MAST4: variants seen among roughly 807,000 people sequenced by gnomAD.
The protein encoded by MAST4 is microtubule-associated serine/threonine-protein kinase 4.
A neutral mutation model predicts 162.7 loss-of-function variants in MAST4; 89 were observed. The ratio of observed to expected loss-of-function variants is 0.55; its 90% CI spans 0.46 to 0.65. The LOEUF (loss-of-function observed/expected upper bound fraction) is 0.65, where lower values mean the gene tolerates loss of function less well. MAST4 is among the 30% of genes least tolerant of loss of function. The pLI is 0.00. For missense variants in MAST4, 3,153 were observed against 3,374.0 expected (o/e 0.93, Z 1.62); for synonymous variants, 1,479 against 1,361.1 (o/e 1.09, Z -1.91).
chr5:66,841,666 C>G (rs2149788723), intron 3 of MAST4, among the ~76,000 whole-genome samples: 1 of 152,192 alleles, frequency 6.6e-6, no homozygotes, highest in East Asian at 1.9e-4. Flanking sequence ...CGAATTTAAT[C>G]CTAATTACCT....
intron 3 of MAST4, among the ~76,000 whole-genome samples, chr5:66,851,813 A>G (rs901086877): frequency 3.3e-5 from 5 of 152,140 alleles, no homozygotes; most frequent in Non-Finnish European, 5.9e-5. Context: ...ATTTTTGTCT[A>G]TACCCTTCTT....
At chr5:66,977,173 T>A (rs1354505689) in intron 4 of MAST4, among the ~76,000 whole-genome samples, 1 of 152,182 alleles carries the variant, frequency 6.6e-6, no homozygotes, top group Non-Finnish European at 1.5e-5. Context: ...CGATCTCGGC[T>A]CACCGTAACT....
intron 4 of MAST4, among the ~76,000 whole-genome samples, chr5:66,922,848 G>C (rs1764631261): frequency 6.6e-6 from 1 of 152,170 alleles, no homozygotes; most frequent in Non-Finnish European, 1.5e-5. Context: ...GATATTCACA[G>C]AAAGGAGAGC....
At chr5:66,937,234 C>T (rs1052341650) in intron 4 of MAST4, among the ~76,000 whole-genome samples, 1 of 152,142 alleles carries the variant, frequency 6.6e-6, no homozygotes, top group African/African-American at 2.4e-5. Flanking sequence ...CACATGGCCC[C>T]TTCTAAACTT....
rs147169968 is a variant in MAST4, at chr5:67,052,585, G to C, written c.675-1819G>C. Among the ~76,000 whole-genome samples, 183 of 151,926 alleles carry C rather than the reference G, an allele frequency of 1.2e-3. 2 individuals are homozygous for C. Among genetic ancestry groups the C allele is most frequent in the African/African-American group, 4.3e-3 (177 of 41,460 alleles). On this transcript the variant is annotated intron_variant, in intron 4 of 28. Transcript: ENST00000403625. ...TCTTAAATAACATTTTCTAAATTTA[G>C]TTTTAAGTATATCAGCATATTTCAC...
chr5:66,859,946 G>A (rs1759977230), intron 3 of MAST4, among the ~76,000 whole-genome samples: 1 of 152,202 alleles, frequency 6.6e-6, no homozygotes, highest in African/African-American at 2.4e-5. Flanking sequence ...TAGTTACTTG[G>A]AAGTCCCCAA....
chr5:66,712,805 TCTA>T (rs1368138498), intron 1 of MAST4, among the ~76,000 whole-genome samples: 2 of 152,210 alleles, frequency 1.3e-5, no homozygotes, highest in Non-Finnish European at 2.9e-5. Flanking sequence ...CAAAGACCTA[TCTA>T]TAGAGAAATA....
chr5:67,149,595 GA>G lies in MAST4; in HGVS notation c.3295+7del. 1.2e-6 allele frequency: 2 copies of G among 1,612,956 alleles called. No individual in the cohort carries two copies. Among genetic ancestry groups the G allele is most frequent in the Non-Finnish European group, 1.7e-6 (2 of 1,179,420 alleles). Reference sequence around the variant, plus strand: ...TTCCCTCATGATCCCAGGAGGTAGAGAGATACTACTTGCATGAAATTGTGTG... The same window carrying G: ...TTCCCTCATGATCCCAGGAGGTAGAGGATACTACTTGCATGAAATTGTGTG... On this transcript the variant is annotated splice_region_variant and intron_variant, in intron 24 of 28. Coordinates refer to ENST00000403625, the MANE Select transcript of MAST4 (RefSeq NM_001164664.2).
chr5:66,986,336 G>A lies in MAST4; in HGVS notation c.675-68068G>A, dbSNP rs918453180. On this transcript the variant is annotated intron_variant, in intron 4 of 28. Transcript: ENST00000403625. Reference sequence around the variant, plus strand: ...AAGCGGGACTTGACTTTTATAGAAAGTATGGATCCATATGTTGTTACACAG... The same window carrying A: ...AAGCGGGACTTGACTTTTATAGAAAATATGGATCCATATGTTGTTACACAG... 4 of 697,160 alleles carry A rather than the reference G, an allele frequency of 5.7e-6. No homozygotes were observed. In the African/African-American group the frequency reaches 7.4e-5, roughly 13 times the overall value. 43.2% of individuals were successfully genotyped at this position (697,160 alleles called of 1,614,324 possible). A position where few individuals can be genotyped will look rare whatever the true frequency, so the allele number is the denominator to read the frequency against.
intron 1 of MAST4, among the ~76,000 whole-genome samples, chr5:66,695,844 A>G (rs1749363672): frequency 1.3e-5 from 2 of 152,194 alleles, no homozygotes; most frequent in South Asian, 4.1e-4. Flanking sequence ...CAGCAATCCC[A>G]TTATTGGTTA....
intron 4 of MAST4, among the ~76,000 whole-genome samples, chr5:66,933,527 G>T (rs1434974708): frequency 1.3e-5 from 2 of 152,094 alleles, no homozygotes; most frequent in Non-Finnish European, 2.9e-5. Context: ...GGAATCAGTG[G>T]ATAGCTTTCT....
intron 6 of MAST4, chr5:67,094,064 C>G: frequency 1.4e-6 from 1 of 693,174 alleles, no homozygotes. Context: ...TATAATTTAT[C>G]TCAATTTCTT....
chr5:66,744,659 G>C (rs1261122660), intron 1 of MAST4, among the ~76,000 whole-genome samples: 1 of 152,066 alleles, frequency 6.6e-6, no homozygotes, highest in Non-Finnish European at 1.5e-5. Flanking sequence ...CAGGAGCAAA[G>C]GGATGCTACA....
chr5:67,040,168 A>G (rs1170221723), intron 4 of MAST4, among the ~76,000 whole-genome samples: 2 of 152,170 alleles, frequency 1.3e-5, no homozygotes, highest in African/African-American at 4.8e-5. Flanking sequence ...TCTCTTGAAC[A>G]CTGAGAGTGA....
intron 4 of MAST4, among the ~76,000 whole-genome samples, chr5:66,944,019 T>C (rs573132527): frequency 6.6e-6 from 1 of 152,302 alleles, no homozygotes; most frequent in East Asian, 1.9e-4. Context: ...CTCCCCGTTC[T>C]TTGCTCTATT....
At chr5:67,144,876 C>T in intron 22 of MAST4, 80 bp downstream of exon 22, 1 of 1,477,438 alleles carries the variant, frequency 6.8e-7, no homozygotes, top group Non-Finnish European at 9.1e-7. Flanking sequence ...CATCAGAATA[C>T]CTGGGGGGCT....
At chr5:66,967,336 C>CAGGGGCTTCTT (rs1328239383) in intron 4 of MAST4, among the ~76,000 whole-genome samples, 5 of 152,160 alleles carry the variant, frequency 3.3e-5, no homozygotes, top group African/African-American at 1.2e-4. Context: ...AGCGGAACTC[C>CAGGGGCTTCTT]AGGGGCTTCT....
At chr5:66,986,989 G>T (rs1469228858) in intron 4 of MAST4, among the ~76,000 whole-genome samples, 1 of 152,138 alleles carries the variant, frequency 6.6e-6, no homozygotes, top group Non-Finnish European at 1.5e-5. Flanking sequence ...TTAAAGAAGT[G>T]TAAGATTATA....
intron 3 of MAST4, among the ~76,000 whole-genome samples, chr5:66,819,784 T>G (rs1459796490): frequency 6.6e-6 from 1 of 150,716 alleles, no homozygotes; most frequent in Non-Finnish European, 1.5e-5. Flanking sequence ...GATTTTTTTT[T>G]TTTTTTTCCA....
Sources: gnomAD v4.1 joint callset for allele counts (sites outside exome capture counted in the v4.1 genomes callset) on GRCh38, gnomAD v4.1.1 for gene constraint, MANE v1.5 for transcripts, NCBI Gene and HGNC (gene_info 2026-07-23, HGNC 2026-07-21) for gene names.